Variants in LRFN5 observed in about 807,000 individuals in gnomAD.
LRFN5 encodes the protein leucine rich repeat and fibronectin type III domain containing 5.
In LRFN5, 24 loss-of-function variants were observed where a neutral mutation model predicts 45.6. The ratio of observed to expected loss-of-function variants is 0.53; its 90% CI spans 0.38 to 0.74. The LOEUF (loss-of-function observed/expected upper bound fraction) is 0.74, where lower values mean the gene tolerates loss of function less well. Ranked by LOEUF, LRFN5 falls within the 30% of genes least tolerant of loss-of-function variation. The pLI is 0.00. For missense variants in LRFN5, 776 were observed against 861.5 expected (o/e 0.90, Z 1.24); for synonymous variants, 340 against 313.8 (o/e 1.08, Z -0.88).
Position 41,608,222 on chromosome 14 carries a change from TGC to T in LRFN5, c.-528_-527del. ...GTGCGTGTGCGAGTGTGAGTGCAAGTGCGCGCGCGCCCGGGTGCGAGTGTGTG... is the reference window on the plus strand; with the variant it reads ...GTGCGTGTGCGAGTGTGAGTGCAAGTGCGCGCGCCCGGGTGCGAGTGTGTG... On this transcript the variant is annotated 5_prime_UTR_variant, in exon 1 of 6. Coordinates refer to ENST00000298119, the MANE Select transcript of LRFN5 (RefSeq NM_152447.5). 2 of 153,536 alleles carry T rather than the reference TGC, an allele frequency of 1.3e-5. No individual in the cohort carries two copies. Among genetic ancestry groups the T allele is most frequent in the Non-Finnish European group, 2.9e-5 (2 of 68,816 alleles). The allele number at this position is 153,536 out of a possible 1,614,324, so 9.5% of individuals were successfully genotyped here. A position where few individuals can be genotyped will look rare whatever the true frequency, so the allele number is the denominator to read the frequency against.
In LRFN5 at chr14:41,856,675, A is replaced by ATTATTTTTTTTTTTTTTTTTTTTTT; in HGVS notation, c.-20-29929_-20-29928insATTTTTTTTTTTTTTTTTTTTTTTT. On this transcript the variant is annotated intron_variant, in intron 2 of 5. Transcript: ENST00000298119. ...TTCTTTCCTAATTATTATTATTATT[A>ATTATTTTTTTTTTTTTTTTTTTTTT]TTTTTTTTTTTTTTTTTTTGAGACG... Among the ~76,000 whole-genome samples, 12 of 18,336 alleles carry ATTATTTTTTTTTTTTTTTTTTTTTT rather than the reference A, an allele frequency of 6.5e-4. 2 individuals carry two copies. The highest frequency in any genetic ancestry group is 1.0e-3 in the Non-Finnish European group (8 of 7,822). 12.0% of individuals were successfully genotyped at this position (18,336 alleles called of 152,430 possible). A position where few individuals can be genotyped will look rare whatever the true frequency, so the allele number is the denominator to read the frequency against.
intron 1 of LRFN5, among the ~76,000 whole-genome samples, chr14:41,614,371 G>T (rs995638451): frequency 1.6e-4 from 24 of 152,038 alleles, no homozygotes; most frequent in African/African-American, 5.8e-4. Flanking sequence ...AAAGTTTAAG[G>T]TTATTTTTAG....
chr14:41,772,054 C>G (rs895702976), intron 2 of LRFN5, among the ~76,000 whole-genome samples: 1 of 152,080 alleles, frequency 6.6e-6, no homozygotes, highest in Non-Finnish European at 1.5e-5. Context: ...GGAAGCTTAC[C>G]GTCATGGCAG....
At chr14:41,770,190 A>G (rs185167985) in intron 2 of LRFN5, among the ~76,000 whole-genome samples, 4 of 152,308 alleles carry the variant, frequency 2.6e-5, no homozygotes, top group Admixed American at 6.5e-5. Context: ...ATCTATCCCC[A>G]TGATCTAATA....
At chr14:41,896,997 C>T (rs1890961751) in intron 4 of LRFN5, among the ~76,000 whole-genome samples, 1 of 151,692 alleles carries the variant, frequency 6.6e-6, no homozygotes, top group African/African-American at 2.4e-5. Context: ...GAGGCTGAGG[C>T]AGGAGAATCA....
intron 5 of LRFN5, among the ~76,000 whole-genome samples, chr14:41,899,862 C>G (rs2139178591): frequency 6.6e-6 from 1 of 152,064 alleles, no homozygotes; most frequent in East Asian, 1.9e-4. Flanking sequence ...TCTTATGTTG[C>G]AAAAAACAGC....
At chr14:41,830,676 A>G (rs1186581619) in intron 2 of LRFN5, among the ~76,000 whole-genome samples, 1 of 152,196 alleles carries the variant, frequency 6.6e-6, no homozygotes, top group Non-Finnish European at 1.5e-5. Flanking sequence ...GCTCAGGTAG[A>G]TAAACCTGAG....
At chr14:41,687,939 G>T (rs976360849) in intron 1 of LRFN5, among the ~76,000 whole-genome samples, 3 of 151,926 alleles carry the variant, frequency 2.0e-5, no homozygotes, top group Admixed American at 2.0e-4. Flanking sequence ...TTTTTTAGAA[G>T]AAATAAATAA....
chr14:41,787,024 T>C (rs990351477), intron 2 of LRFN5, among the ~76,000 whole-genome samples: 18 of 152,102 alleles, frequency 1.2e-4, no homozygotes, highest in Admixed American at 1.1e-3. Flanking sequence ...ATCATGGTCA[T>C]GTATTCCTCT....
At chr14:41,626,858 A>G (rs746007828) in intron 1 of LRFN5, among the ~76,000 whole-genome samples, 1 of 152,154 alleles carries the variant, frequency 6.6e-6, no homozygotes, top group African/African-American at 2.4e-5. Context: ...AAAATTAATA[A>G]TAGAAAAAAA....
chr14:41,608,873 C>T (rs1415642296), intron 1 of LRFN5, among the ~76,000 whole-genome samples: 1 of 152,168 alleles, frequency 6.6e-6, no homozygotes, highest in Non-Finnish European at 1.5e-5. Context: ...TCTGTGTTTC[C>T]TTCAGGCTGT....
intron 2 of LRFN5, among the ~76,000 whole-genome samples, chr14:41,796,884 TA>T (rs1887152055): frequency 6.6e-6 from 1 of 151,912 alleles, no homozygotes; most frequent in South Asian, 2.1e-4. Flanking sequence ...CTTCAATCAT[TA>T]AAGGTTTTAA....
chr14:41,785,534 AC>A (rs1348285114), intron 2 of LRFN5, among the ~76,000 whole-genome samples: 1 of 152,006 alleles, frequency 6.6e-6, no homozygotes, highest in African/African-American at 2.4e-5. Flanking sequence ...CGGTCCCCAA[AC>A]TTTTTGGTGC....
chr14:41,819,295 A>T (rs976942405), intron 2 of LRFN5, among the ~76,000 whole-genome samples: 4 of 152,184 alleles, frequency 2.6e-5, no homozygotes, highest in African/African-American at 9.6e-5. Flanking sequence ...GCTGTTTGAG[A>T]AATCTTTGTA....
chr14:41,712,288 G>C (rs1193593500), intron 1 of LRFN5, among the ~76,000 whole-genome samples: 1 of 120,828 alleles, frequency 8.3e-6, no homozygotes, highest in African/African-American at 3.0e-5. Flanking sequence ...TGGGCCAGGC[G>C]CAGTGGCTTA....
intron 2 of LRFN5, among the ~76,000 whole-genome samples, chr14:41,837,167 G>A (rs963940599): frequency 9.5e-6 from 1 of 105,758 alleles, no homozygotes; most frequent in Non-Finnish European, 1.7e-5. Context: ...AAGGGAATTT[G>A]AAGAATTATC....
intron 1 of LRFN5, among the ~76,000 whole-genome samples, chr14:41,740,073 T>C (rs1347991244): frequency 6.6e-6 from 1 of 151,882 alleles, no homozygotes; most frequent in Non-Finnish European, 1.5e-5. Context: ...AAAATAAAAA[T>C]AAAGCCCAGG....
Position 41,904,383 on chromosome 14 carries a change from T to G in LRFN5, c.*208T>G, listed in dbSNP as rs1254741781. ...TCATCCTCTTTTAAAACCAAATTTT[T>G]TTTTCTTCTGGCCTACAAGTATTTT... is the stretch of plus-strand genomic sequence containing the variant. On this transcript the variant is annotated 3_prime_UTR_variant, in exon 6 of 6. Transcript: ENST00000298119. 4.0e-6 allele frequency: 2 copies of G among 494,922 alleles called. No homozygotes were observed. Among genetic ancestry groups the G allele is most frequent in the Non-Finnish European group, 3.5e-6 (1 of 287,220 alleles). The allele number at this position is 494,922 out of a possible 1,614,324, so 30.7% of individuals were successfully genotyped here.
At position 41,904,413 on chromosome 14, in the gene LRFN5, T is replaced by TA. The variant is rs1407194038; in HGVS notation, c.*238_*239insA. On this transcript the variant is annotated 3_prime_UTR_variant, in exon 6 of 6. Transcript: ENST00000298119. ...CTTCTGGCCTACAAGTATTTTTTTT[T>TA]TAAAAAAGAAAAAAAGCCTACATTG... 3 of 445,736 alleles carry TA rather than the reference T, an allele frequency of 6.7e-6. No individual in the cohort carries two copies. Among genetic ancestry groups the TA allele is most frequent in the African/African-American group, 6.1e-5 (3 of 49,220 alleles). The allele number at this position is 445,736 out of a possible 1,614,324, so 27.6% of individuals were successfully genotyped here. A position where few individuals can be genotyped will look rare whatever the true frequency, so the allele number is the denominator to read the frequency against.
Sources: gnomAD v4.1 joint callset for allele counts (sites outside exome capture counted in the v4.1 genomes callset) on GRCh38, gnomAD v4.1.1 for gene constraint, MANE v1.5 for transcripts, NCBI Gene and HGNC (gene_info 2026-07-23, HGNC 2026-07-21) for gene names.